SGCZ: variants seen among roughly 807,000 people sequenced by gnomAD.
The protein encoded by SGCZ is sarcoglycan zeta, also known as zeta-sarcoglycan.
SGCZ carries 40 observed loss-of-function variants against 41.3 expected under a neutral mutation model. The observed-to-expected ratio is 0.97, with a 90% CI of 0.75 to 1.26. The LOEUF (loss-of-function observed/expected upper bound fraction) is 1.26. Ranked by LOEUF, SGCZ falls within the 50% of genes most tolerant of loss-of-function variation. The pLI is 0.00. For missense variants in SGCZ, 552 were observed against 369.8 expected (o/e 1.49, Z -4.04); for synonymous variants, 206 against 137.5 (o/e 1.50, Z -3.49).
chr8:14,317,816 C>G (rs184131117), intron 3 of SGCZ, among the ~76,000 whole-genome samples: 109 of 151,896 alleles, frequency 7.2e-4, no homozygotes, highest in Non-Finnish European at 8.5e-4. Flanking sequence ...ACAAAGATGT[C>G]ATTCTCCAAA....
intron 1 of SGCZ, among the ~76,000 whole-genome samples, chr8:14,778,417 T>G (rs1463854075): frequency 6.6e-6 from 1 of 152,112 alleles, no homozygotes; most frequent in Non-Finnish European, 1.5e-5. Context: ...GTAAATGAAC[T>G]TTTTTCCTGG....
At chr8:14,533,063 T>C (rs1007188193) in intron 2 of SGCZ, among the ~76,000 whole-genome samples, 18 of 152,194 alleles carry the variant, frequency 1.2e-4, no homozygotes, top group Middle Eastern at 3.4e-3. Flanking sequence ...GTTACATATA[T>C]ATACATGTGC....
intron 4 of SGCZ, among the ~76,000 whole-genome samples, chr8:14,180,078 C>G (rs962427836): frequency 2.0e-5 from 3 of 152,040 alleles, no homozygotes; most frequent in Non-Finnish European, 4.4e-5. Flanking sequence ...GGGTTTTGGT[C>G]TCAATTATGG....
chr8:14,436,707 A>G (rs1800104411), intron 2 of SGCZ, among the ~76,000 whole-genome samples: 1 of 152,180 alleles, frequency 6.6e-6, no homozygotes, highest in South Asian at 2.1e-4. Flanking sequence ...TACTAATTTC[A>G]TTAAATCTTG....
chr8:15,002,565 A>C (rs975602619), intron 1 of SGCZ, among the ~76,000 whole-genome samples: 1 of 152,138 alleles, frequency 6.6e-6, no homozygotes. Flanking sequence ...CACGAAACAC[A>C]ATAAAAATTG....
At chr8:15,140,166 A>C (rs1392829794) in intron 1 of SGCZ, among the ~76,000 whole-genome samples, 2 of 151,996 alleles carry the variant, frequency 1.3e-5, no homozygotes, top group African/African-American at 4.8e-5. Flanking sequence ...GGGTGCACAC[A>C]GGTGTGCACC....
intron 2 of SGCZ, among the ~76,000 whole-genome samples, chr8:14,506,502 T>A (rs76329075): frequency 2.7e-5 from 4 of 149,530 alleles, no homozygotes; most frequent in Non-Finnish European, 5.9e-5. Context: ...CTTATTCATT[T>A]AAAAAAAAAA....
chr8:14,637,975 C>G (rs1405807095), intron 1 of SGCZ, among the ~76,000 whole-genome samples: 4 of 151,830 alleles, frequency 2.6e-5, no homozygotes, highest in Non-Finnish European at 5.9e-5. Flanking sequence ...TTGCCAGTAT[C>G]TGTTATCCTT....
intron 1 of SGCZ, among the ~76,000 whole-genome samples, chr8:15,076,356 G>C (rs551133114): frequency 2.0e-5 from 3 of 152,264 alleles, no homozygotes; most frequent in Non-Finnish European, 2.9e-5. Flanking sequence ...ACAGAGCAAG[G>C]GGGTAGCAAG....
intron 1 of SGCZ, among the ~76,000 whole-genome samples, chr8:15,227,660 C>T (rs186922734): frequency 6.6e-6 from 1 of 152,214 alleles, no homozygotes; most frequent in East Asian, 1.9e-4. Flanking sequence ...TATTTTTATT[C>T]ATTCGTACTG....
At chr8:15,233,869 C>A (rs1001048003) in intron 1 of SGCZ, among the ~76,000 whole-genome samples, 7 of 152,000 alleles carry the variant, frequency 4.6e-5, no homozygotes, top group Non-Finnish European at 1.0e-4. Flanking sequence ...TAAATAAAAT[C>A]TAGGATCTAA....
chr8:14,918,828 A>G (rs1341508667), intron 1 of SGCZ, among the ~76,000 whole-genome samples: 2 of 152,204 alleles, frequency 1.3e-5, no homozygotes, highest in African/African-American at 4.8e-5. Context: ...AGCATACACT[A>G]TGTGCTTGGT....
chr8:14,140,186 C>T (rs924256687), intron 5 of SGCZ, among the ~76,000 whole-genome samples: 2 of 152,144 alleles, frequency 1.3e-5, no homozygotes, highest in African/African-American at 4.8e-5. Context: ...ATAATAAGAG[C>T]TATTTATGAC....
At chr8:15,201,399 T>C (rs1209985982) in intron 1 of SGCZ, among the ~76,000 whole-genome samples, 1 of 152,224 alleles carries the variant, frequency 6.6e-6, no homozygotes, top group Admixed American at 6.5e-5. Context: ...TTTAGTCATC[T>C]GTAATTATAC....
chr8:15,185,076 T>C (rs1800295038), intron 1 of SGCZ, among the ~76,000 whole-genome samples: 1 of 152,150 alleles, frequency 6.6e-6, no homozygotes. Context: ...GGAAAATGGA[T>C]CTCAAAATTT....
intron 1 of SGCZ, among the ~76,000 whole-genome samples, chr8:14,946,830 C>T (rs1800465673): frequency 6.6e-6 from 1 of 151,954 alleles, no homozygotes; most frequent in Non-Finnish European, 1.5e-5. Flanking sequence ...CACCCACCAC[C>T]ACGCCCAGCT....
chr8:14,962,289 T>C (rs925938161), intron 1 of SGCZ, among the ~76,000 whole-genome samples: 2 of 152,078 alleles, frequency 1.3e-5, no homozygotes, highest in East Asian at 3.9e-4. Flanking sequence ...TATTATACCA[T>C]GCATTTAAGA....
intron 5 of SGCZ, among the ~76,000 whole-genome samples, chr8:14,125,318 A>G (rs1212223049): frequency 6.6e-6 from 1 of 152,068 alleles, no homozygotes. Context: ...CCTGGCTAAC[A>G]TGGTGAAACC....
intron 2 of SGCZ, among the ~76,000 whole-genome samples, chr8:14,355,784 A>G (rs2117116710): frequency 6.6e-6 from 1 of 152,198 alleles, no homozygotes; most frequent in East Asian, 1.9e-4. Context: ...GGATTATCCA[A>G]GGAAATAGGC....
Sources: gnomAD v4.1 joint callset for allele counts (sites outside exome capture counted in the v4.1 genomes callset) on GRCh38, gnomAD v4.1.1 for gene constraint, MANE v1.5 for transcripts, NCBI Gene and HGNC (gene_info 2026-07-23, HGNC 2026-07-21) for gene names.